The following DDX60 variants were observed in gnomAD, a reference collection of about 807,000 sequenced individuals.
DDX60 encodes DExD/H-box helicase 60.
A neutral mutation model predicts 212.8 loss-of-function variants in DDX60; 165 were observed. The observed-to-expected ratio is 0.78, with a 90% CI of 0.68 to 0.88. The LOEUF (loss-of-function observed/expected upper bound fraction) is 0.88. DDX60 is among the 40% of genes least tolerant of loss of function. The pLI, the probability that DDX60 is intolerant of heterozygous loss-of-function variation, is 0.00. For synonymous variants in DDX60, 703 were observed against 685.3 expected (o/e 1.03, Z -0.40); for missense variants, 1,905 against 2,003.9 (o/e 0.95, Z 0.94).
At chr4:168,266,607 G>A (rs1331367332) in intron 22 of DDX60, among the ~76,000 whole-genome samples, 1 of 152,088 alleles carries the variant, frequency 6.6e-6, no homozygotes, top group Non-Finnish European at 1.5e-5. Flanking sequence ...TTTGGCATCC[G>A]GTTTGAAATA....
At chr4:168,253,104 G>A (rs1387641908) in intron 26 of DDX60, among the ~76,000 whole-genome samples, 1 of 152,144 alleles carries the variant, frequency 6.6e-6, no homozygotes, top group African/African-American at 2.4e-5. Flanking sequence ...TGCCCGGCCT[G>A]CTGTGCATCT....
chr4:168,257,562 A>G (rs2149509348), intron 25 of DDX60, among the ~76,000 whole-genome samples: 1 of 152,238 alleles, frequency 6.6e-6, no homozygotes, highest in South Asian at 2.1e-4. Context: ...TTTTTACATT[A>G]ATGCAAGTTA....
At chr4:168,229,649 G>T (rs945593716) in intron 33 of DDX60, among the ~76,000 whole-genome samples, 2 of 151,986 alleles carry the variant, frequency 1.3e-5, no homozygotes, top group African/African-American at 4.8e-5. Context: ...CTCACAGATT[G>T]CCTGGAAATA....
Position 168,252,202 on chromosome 4 carries a change from T to C in DDX60, c.3705+307A>G, listed in dbSNP as rs1734245915. 2.6e-5 allele frequency among the ~76,000 whole-genome samples: 4 copies of C among 152,202 alleles called. No homozygotes were observed. The South Asian group carries it at 8.3e-4, about 32-fold the overall frequency. The stretch of plus-strand genomic sequence containing the variant: ...ACGGCAAACATTTTCAGAGGTGAAC[T>C]GTTAACAGGCAAGAAATAATCTACA... On this transcript the variant is annotated intron_variant, in intron 27 of 37. Transcript: ENST00000393743.
Position 168,250,823 on chromosome 4 carries a change from C to T in DDX60, c.3858+131G>A. 9 of 769,442 alleles carry T rather than the reference C, an allele frequency of 1.2e-5. No homozygotes were observed. In the South Asian group the frequency reaches 1.6e-4, roughly 14 times the overall value. 47.7% of individuals were successfully genotyped at this position (769,442 alleles called of 1,614,324 possible). ...TATAGGTATGACCCATCACGCCCGG[C>T]CAACTTATTTTTTTAAAAGACAATT... On this transcript the variant is annotated intron_variant, in intron 28 of 37. Coordinates refer to ENST00000393743, the MANE Select transcript of DDX60 (RefSeq NM_017631.6).
At chr4:168,243,806 G>T (rs1275381198) in intron 30 of DDX60, among the ~76,000 whole-genome samples, 1 of 149,680 alleles carries the variant, frequency 6.7e-6, no homozygotes, top group African/African-American at 2.5e-5. Context: ...ATATGCATGT[G>T]TATGTTCACT....
intron 33 of DDX60, among the ~76,000 whole-genome samples, chr4:168,231,757 A>T (rs1420655276): frequency 6.6e-6 from 1 of 152,086 alleles, no homozygotes; most frequent in Admixed American, 6.6e-5. Flanking sequence ...AGTCAACGTT[A>T]TACTTTACAG....
At chr4:168,268,135 C>T in intron 20 of DDX60, 152 bp from the exon 21 acceptor site, 2 of 569,520 alleles carry the variant, frequency 3.5e-6, no homozygotes, top group South Asian at 6.3e-5. Flanking sequence ...TAAATCCCAA[C>T]CTTCTTAGTA....
intron 33 of DDX60, among the ~76,000 whole-genome samples, chr4:168,231,256 C>G: frequency 6.6e-6 from 1 of 151,864 alleles, no homozygotes; most frequent in East Asian, 1.9e-4. Context: ...TATGGATTCA[C>G]GACTGAATTC....
chr4:168,283,413 T>A lies in DDX60; in HGVS notation c.1722+33A>T, dbSNP rs1405955259. On this transcript the variant is annotated intron_variant, in intron 13 of 37. Transcript: ENST00000393743. ...TCAACCTGATAAAAGAAAAGGAAAA[T>A]TTTTTTAATTGGATAGAATTTATAG... 4 of 1,596,358 alleles carry A rather than the reference T, an allele frequency of 2.5e-6. No individual in the cohort carries two copies. The African/African-American group carries it at 4.1e-5, about 16-fold the overall frequency.
chr4:168,275,934 A>T, intron 15 of DDX60, 81 bp downstream of exon 15: 1 of 1,281,108 alleles, frequency 7.8e-7, no homozygotes. Context: ...AAAAATCTGG[A>T]AGAGATGACT....
chr4:168,268,077 A>G (rs1016565985), intron 20 of DDX60, 94 bp from the exon 21 acceptor site: 1 of 1,126,164 alleles, frequency 8.9e-7, no homozygotes, highest in Non-Finnish European at 1.3e-6. Flanking sequence ...CATCTTCCTT[A>G]TAAAGTGTAC....
At chr4:168,321,980 A>T (rs1436456734), upstream of DDX60, among the ~76,000 whole-genome samples, 1 of 152,136 alleles carries the variant, frequency 6.6e-6, no homozygotes, top group African/African-American at 2.4e-5. Context: ...TTCTCTTTTC[A>T]GCATGGTGCC....
chr4:168,272,157 T>C lies in DDX60; in HGVS notation c.2575-19A>G, dbSNP rs1735129185. The stretch of plus-strand genomic sequence containing the variant: ...TAAGTACCTACAAAGAATAATATTG[T>C]GTGAAGTAACATTTTGAGCACTTAC... On this transcript the variant is annotated intron_variant, in intron 18 of 37. Transcript: ENST00000393743. The C allele has an allele frequency of 6.5e-7, 1 of 1,547,954 alleles. No homozygotes were observed. Among genetic ancestry groups the C allele is most frequent in the African/African-American group, 1.4e-5 (1 of 73,250 alleles).
At chr4:168,231,033 C>G (rs1733432184) in intron 33 of DDX60, among the ~76,000 whole-genome samples, 1 of 151,652 alleles carries the variant, frequency 6.6e-6, no homozygotes, top group African/African-American at 2.4e-5. Flanking sequence ...ACCAATACCA[C>G]AGAAGTACGA....
intron 7 of DDX60, among the ~76,000 whole-genome samples, chr4:168,292,765 AAAGC>A (rs1486215464): frequency 3.9e-5 from 6 of 152,240 alleles, no homozygotes; most frequent in Non-Finnish European, 7.3e-5. Context: ...GGCTATCAAC[AAAGC>A]AAGTGTAAGA....
intron 26 of DDX60, among the ~76,000 whole-genome samples, chr4:168,254,048 T>G (rs570970878): frequency 1.3e-5 from 2 of 152,362 alleles, no homozygotes; most frequent in South Asian, 2.1e-4. Context: ...CCCTAAAATT[T>G]GCAGAGCATG....
chr4:168,313,080 A>G (rs1463100724), intron 1 of DDX60, among the ~76,000 whole-genome samples: 1 of 152,178 alleles, frequency 6.6e-6, no homozygotes, highest in Non-Finnish European at 1.5e-5. Context: ...GTAAGTTGAA[A>G]GATAACTAAG....
At chr4:168,231,181 A>G (rs1388098268) in intron 33 of DDX60, among the ~76,000 whole-genome samples, 1 of 152,090 alleles carries the variant, frequency 6.6e-6, no homozygotes, top group Non-Finnish European at 1.5e-5. Flanking sequence ...GAACAGACCA[A>G]TAACAAGCAG....
Sources: allele counts gnomAD v4.1 joint callset (sites outside exome capture counted in the v4.1 genomes callset), GRCh38; gene constraint gnomAD v4.1.1; transcripts MANE v1.5; gene names NCBI Gene and HGNC (gene_info 2026-07-23, HGNC 2026-07-21).